DMD: variants seen among roughly 807,000 people sequenced by gnomAD.
The protein encoded by DMD is dystrophin.
A neutral mutation model predicts 330.1 loss-of-function variants in DMD; 63 were observed. The ratio of observed to expected loss-of-function variants is 0.19; its 90% CI spans 0.16 to 0.24. The LOEUF (loss-of-function observed/expected upper bound fraction) is 0.24. Among genes scored for constraint, DMD ranks in the 10% least tolerant of loss-of-function variants. The probability of loss-of-function intolerance (pLI) is 1.00; values close to 1 mark genes in which losing one functional copy is unlikely to be tolerated. For missense variants in DMD, 3,344 were observed against 2,684.1 expected (o/e 1.25, Z -5.43); for synonymous variants, 1,223 against 959.8 (o/e 1.27, Z -5.07).
At chrX:32,686,559 C>CAAAAAAAAAAAAAAAAAAA (rs750534167) in intron 9 of DMD, among the ~76,000 whole-genome samples, 54 of 28,498 alleles carry the variant, frequency 1.9e-3, no homozygotes, top group Admixed American at 4.4e-3. Flanking sequence ...AACTCCATCT[C>CAAAAAAAAAAAAAAAAAAA]AAAAAAAAAA....
At chrX:32,221,463 T>C (rs947798961) in intron 43 of DMD, among the ~76,000 whole-genome samples, 3 of 111,856 alleles carry the variant, frequency 2.7e-5, no homozygotes, top group African/African-American at 9.7e-5. Context: ...CTACCAATTA[T>C]GAAGTACTTA....
chrX:33,225,110 T>C (rs765915696), intron 1 of DMD, among the ~76,000 whole-genome samples: 40 of 111,467 alleles, frequency 3.6e-4, no homozygotes, highest in Middle Eastern at 4.6e-3. Context: ...AACACAGTAA[T>C]GTCAATTTTA....
intron 21 of DMD, among the ~76,000 whole-genome samples, chrX:32,483,090 A>C (rs1440900182): frequency 1.0e-5 from 1 of 98,517 alleles, no homozygotes; most frequent in Non-Finnish European, 2.1e-5. Flanking sequence ...ATTTGAATTA[A>C]TTTCAAATTA....
chrX:32,142,415 G>C (rs918204752), intron 44 of DMD, among the ~76,000 whole-genome samples: 2 of 112,199 alleles, frequency 1.8e-5, no homozygotes, highest in Middle Eastern at 4.7e-3. Flanking sequence ...TGTTTTACTT[G>C]CACTTGCTGA....
chrX:31,171,130 A>C (rs2039946958), intron 73 of DMD, among the ~76,000 whole-genome samples: 1 of 112,215 alleles, frequency 8.9e-6, no homozygotes. Context: ...ATATATTAGT[A>C]CCATTAATAC....
Position 31,889,647 on chromosome X carries a change from T to TCTCACACACACACA in DMD, c.6913-14275_6913-14274insTGTGTGTGTGTGAG, listed in dbSNP as rs796563415. Among the ~76,000 whole-genome samples the TCTCACACACACACA allele has an allele frequency of 1.5e-3, 104 of 71,578 alleles. 1 individual carries two copies. Among genetic ancestry groups the TCTCACACACACACA allele is most frequent in the African/African-American group, 5.3e-3 (94 of 17,790 alleles). 62.2% of individuals were successfully genotyped at this position (71,578 alleles called of 115,157 possible). A position where few individuals can be genotyped will look rare whatever the true frequency, so the allele number is the denominator to read the frequency against. On this transcript the variant is annotated intron_variant, in intron 47 of 78. Transcript: ENST00000357033. ...CTCTCTCTCTCTCTCTCTCTCTCTC[T>TCTCACACACACACA]CACACACACACACACACACACACAC...
chrX:31,861,558 C>T (rs1321155852), intron 48 of DMD, among the ~76,000 whole-genome samples: 1 of 99,452 alleles, frequency 1.0e-5, no homozygotes. Flanking sequence ...TATGGTATAT[C>T]CTTAGAACAG....
intron 1 of DMD, among the ~76,000 whole-genome samples, chrX:33,206,858 CTTTTTA>C (rs1299934846): frequency 9.8e-6 from 1 of 102,384 alleles, no homozygotes; most frequent in Non-Finnish European, 1.9e-5. Flanking sequence ...GATGAGGACT[CTTTTTA>C]TTTTATTTTT....
chrX:31,830,980 ACT>A (rs1251173229), intron 49 of DMD, among the ~76,000 whole-genome samples: 2 of 111,630 alleles, frequency 1.8e-5, no homozygotes, highest in African/African-American at 6.5e-5. Context: ...CACTACATTG[ACT>A]CTGTTTCTTG....
intron 57 of DMD, among the ~76,000 whole-genome samples, chrX:31,494,761 A>C (rs755747208): frequency 8.9e-6 from 1 of 112,037 alleles, no homozygotes; most frequent in Non-Finnish European, 1.9e-5. Flanking sequence ...TATTTGGACC[A>C]ATTTCCTCAT....
intron 52 of DMD, among the ~76,000 whole-genome samples, chrX:31,688,235 GAAGAA>G (rs1400414991): frequency 9.0e-6 from 1 of 110,978 alleles, no homozygotes; most frequent in East Asian, 2.8e-4. Context: ...GACTAATAAA[GAAGAA>G]AAGAGAGAAG....
At chrX:32,739,471 T>A (rs1391421819) in intron 7 of DMD, among the ~76,000 whole-genome samples, 1 of 111,842 alleles carries the variant, frequency 8.9e-6, no homozygotes, top group Non-Finnish European at 1.9e-5. Context: ...TGTGATCACT[T>A]TGGAAAGGTG....
chrX:32,777,277 T>TGGCGGGGGGGGGGGGTTGG (rs1557019894), intron 7 of DMD, among the ~76,000 whole-genome samples: 1 of 2,111 alleles, frequency 4.7e-4, no homozygotes, highest in African/African-American at 3.1e-3. Context: ...GGTTTCTGGT[T>TGGCGGGGGGGGGGGGTTGG]GGGGGGGGAA....
chrX:32,202,263 T>C (rs963360722), intron 44 of DMD, among the ~76,000 whole-genome samples: 2 of 112,316 alleles, frequency 1.8e-5, no homozygotes, highest in Non-Finnish European at 3.8e-5. Context: ...CCCTATATTT[T>C]TAATTACAGT....
chrX:32,562,534 T>G (rs2051145347), intron 16 of DMD, among the ~76,000 whole-genome samples: 1 of 112,800 alleles, frequency 8.9e-6, no homozygotes, highest in African/African-American at 3.2e-5. Context: ...TATGAGAACT[T>G]TGCTCATTCT....
At chrX:32,452,581 G>A (rs991248581) in intron 26 of DMD, among the ~76,000 whole-genome samples, 1 of 109,936 alleles carries the variant, frequency 9.1e-6, no homozygotes, top group Middle Eastern at 4.7e-3. Context: ...CACAAATAAA[G>A]TCTGTGACTA....
chrX:32,359,369 C>A (rs776286742), intron 37 of DMD, among the ~76,000 whole-genome samples: 9 of 111,867 alleles, frequency 8.0e-5, no homozygotes, highest in Non-Finnish European at 1.5e-4. Flanking sequence ...GTTCTAAAGG[C>A]TATACTGAAA....
At chrX:32,845,378 G>A (rs1366329502) in intron 3 of DMD, among the ~76,000 whole-genome samples, 6 of 111,913 alleles carry the variant, frequency 5.4e-5, no homozygotes, top group African/African-American at 1.9e-4. Flanking sequence ...CCCAAAAGTT[G>A]TATCTTATCC....
chrX:33,084,606 G>T (rs767453542), intron 1 of DMD, among the ~76,000 whole-genome samples: 93 of 111,205 alleles, frequency 8.4e-4, no homozygotes, highest in Admixed American at 2.9e-3. Flanking sequence ...ATTGATATGG[G>T]TAGTGCCAGC....
Sources: allele counts gnomAD v4.1 joint callset (sites outside exome capture counted in the v4.1 genomes callset), GRCh38; gene constraint gnomAD v4.1.1; transcripts MANE v1.5; gene names NCBI Gene and HGNC (gene_info 2026-07-23, HGNC 2026-07-21).